NUMA1: variants seen among roughly 807,000 people sequenced by gnomAD.
NUMA1 encodes nuclear mitotic apparatus protein 1.
In NUMA1, 62 loss-of-function variants were observed where a neutral mutation model predicts 237.1. The ratio of observed to expected loss-of-function variants is 0.26; its 90% CI spans 0.21 to 0.32. The LOEUF (loss-of-function observed/expected upper bound fraction) is 0.32. Ranked by LOEUF, NUMA1 falls within the 10% of genes least tolerant of loss-of-function variation. The probability of loss-of-function intolerance (pLI) is 1.00; values close to 1 mark genes in which losing one functional copy is unlikely to be tolerated. For missense variants in NUMA1, 2,533 were observed against 2,666.5 expected (o/e 0.95, Z 1.10); for synonymous variants, 1,028 against 1,066.1 (o/e 0.96, Z 0.70).
At position 72,015,388 on chromosome 11, in the gene NUMA1, C is replaced by T. The variant is rs1282053379; in HGVS notation, c.2115G>A (p.Gln705=). 1 of 1,612,262 alleles carries T rather than the reference C, an allele frequency of 6.2e-7. No homozygotes were observed. Among genetic ancestry groups the T allele is most frequent in the Non-Finnish European group, 8.5e-7 (1 of 1,180,008 alleles). ...TGACCTTCAAGGACTCTTTGAGGGC[C>T]TGGAGCTGCTCCTGGAGCTGGTCCT... The part of the protein sequence containing the change: ...QEKDQLQEQL[Q]ALKESLKVTK... The change falls in exon 15 of 27, where the codon CAG becomes CAA. Residue 705 remains glutamine (Q), a synonymous_variant. Coordinates refer to ENST00000393695, the MANE Select transcript of NUMA1 (RefSeq NM_006185.4). The surrounding 1 kb of genome is among the most constrained non-coding windows in gnomAD (Gnocchi z 4.0).
At chr11:72,040,442 A>G (rs1451599035) in intron 2 of NUMA1, among the ~76,000 whole-genome samples, 1 of 12,046 alleles carries the variant, frequency 8.3e-5, no homozygotes, top group East Asian at 1.6e-3. Context: ...GGGCGCGTAC[A>G]CATACACACA....
intron 17 of NUMA1, among the ~76,000 whole-genome samples, chr11:72,009,862 C>G (rs1956027722): frequency 6.6e-6 from 1 of 152,152 alleles, no homozygotes; most frequent in Admixed American, 6.5e-5. Flanking sequence ...GCAAATTGAC[C>G]AGAGTAACAG....
rs1943599622 is a variant in NUMA1, at chr11:72,074,202, A to AACAAAGACAAAAAAAAAAT, written c.-102-4292_-102-4291insATTTTTTTTTTGTCTTTGT. Among the ~76,000 whole-genome samples the AACAAAGACAAAAAAAAAAT allele has an allele frequency of 2.6e-5, 4 of 152,016 alleles. No individual in the cohort carries two copies. In the South Asian group the frequency reaches 8.3e-4, roughly 32 times the overall value. ...GGAGCGAAACTCCATCTCAAAAAAA[A>AACAAAGACAAAAAAAAAAT]TTAACCAGACGGTAGTGGTGTGCGC... is the stretch of plus-strand genomic sequence containing the variant. On this transcript the variant is annotated intron_variant, in intron 1 of 26. Coordinates refer to ENST00000393695, the MANE Select transcript of NUMA1 (RefSeq NM_006185.4).
At chr11:72,079,749 T>A (rs1231166774) in intron 1 of NUMA1, among the ~76,000 whole-genome samples, 5 of 144,670 alleles carry the variant, frequency 3.5e-5, no homozygotes, top group Non-Finnish European at 6.0e-5. Flanking sequence ...AAACAAAAAT[T>A]AAAAAAAAAA....
intron 24 of NUMA1, 31 bp from the exon 25 acceptor site, chr11:72,004,372 T>C: frequency 2.5e-6 from 4 of 1,580,974 alleles, no homozygotes; most frequent in Non-Finnish European, 3.5e-6. Flanking sequence ...AGGCAGACAG[T>C]AGCAAGAGGA....
At chr11:72,046,883 C>A (rs573792408) in intron 2 of NUMA1, among the ~76,000 whole-genome samples, 2 of 151,928 alleles carry the variant, frequency 1.3e-5, no homozygotes, top group Non-Finnish European at 2.9e-5. Flanking sequence ...TCACTTGAAT[C>A]CGGGAGGCGG....
intron 2 of NUMA1, among the ~76,000 whole-genome samples, chr11:72,053,301 C>T (rs548682400): frequency 2.6e-5 from 4 of 152,160 alleles, no homozygotes; most frequent in African/African-American, 4.8e-5. Context: ...TTCCTAATTA[C>T]GCCTTTTTGT....
chr11:72,013,072 G>T lies in NUMA1; in HGVS notation c.4431C>A (p.Val1477=). 3 of 1,614,166 alleles carry T rather than the reference G, an allele frequency of 1.9e-6. No homozygotes were observed. Among genetic ancestry groups the T allele is most frequent in the Non-Finnish European group, 2.5e-6 (3 of 1,180,038 alleles). The change falls in exon 15 of 27, where the codon GTC becomes GTA. Residue 1477 remains valine (V), a synonymous_variant. Coordinates refer to ENST00000393695, the MANE Select transcript of NUMA1 (RefSeq NM_006185.4). The surrounding 1 kb of genome is among the most constrained non-coding windows in gnomAD (Gnocchi z 6.8). Reference sequence around the variant, plus strand: ...CAGCACGTACGGCTGCCAACTCTTGGACATACTTCTCCCGGGCCTGGTCCA... The same window carrying T: ...CAGCACGTACGGCTGCCAACTCTTGTACATACTTCTCCCGGGCCTGGTCCA... ...VELDQAREKY[V]QELAAVRADA... is the part of the protein sequence containing the mutation.
chr11:72,066,496 C>T (rs1018065033), intron 2 of NUMA1: 4 of 152,188 alleles, frequency 2.6e-5, no homozygotes, highest in Non-Finnish European at 5.9e-5. Context: ...CCTAAAATAT[C>T]CTCTACCTCA....
chr11:72,055,736 T>C (rs889152855), intron 2 of NUMA1, among the ~76,000 whole-genome samples: 3 of 151,506 alleles, frequency 2.0e-5, no homozygotes, highest in African/African-American at 7.3e-5. Context: ...TCCCAATGGC[T>C]CAGGAGGCTG....
intron 21 of NUMA1, 128 bp downstream of exon 21, chr11:72,007,052 AAGACCTCTC>A: frequency 6.7e-6 from 7 of 1,046,818 alleles, no homozygotes; most frequent in Non-Finnish European, 9.6e-6. Context: ...TGCCCTTTTT[AAGACCTCTC>A]AGCTTTCCCA....
intron 8 of NUMA1, 91 bp downstream of exon 8, chr11:72,021,113 G>A (rs756998125): frequency 1.9e-6 from 2 of 1,066,266 alleles, no homozygotes; most frequent in Admixed American, 3.7e-5. Context: ...GTTGGGGACA[G>A]AAACAAACCC....
Position 72,014,646 on chromosome 11 carries a change from C to T in NUMA1, c.2857G>A (p.Glu953Lys). 1 of 1,611,974 alleles carries T rather than the reference C, an allele frequency of 6.2e-7. No homozygotes were observed. The highest frequency in any genetic ancestry group is 8.5e-7 in the Non-Finnish European group (1 of 1,180,026). ...RAGDRQPEWLEEQQGRQFCST... is the reference protein window; with the variant it reads ...RAGDRQPEWLKEQQGRQFCST... The stretch of plus-strand genomic sequence containing the variant: ...CAGAACTGGCGTCCCTGTTGCTCTT[C>T]CAGCCACTCGGGCTGTCTGTCTCCT... The change falls in exon 15 of 27, where the codon GAA (glutamate) becomes AAA (lysine). Residue 953 changes from glutamate (E) to lysine (K), a missense_variant. Around this residue, in one of 3 missense-constraint regions of NUMA1, gnomAD observed 1,414 missense variants for 1,508.1 expected, o/e 0.94. Transcript: ENST00000393695. This position sits in a 1 kb window ranked among gnomAD's most constrained non-coding sequence, Gnocchi z 4.6.
At chr11:72,007,820 T>C (rs1955850066) in intron 20 of NUMA1, 1 of 356,830 alleles carries the variant, frequency 2.8e-6, no homozygotes. Context: ...CATAATCCAA[T>C]GTCGTCCTGC....
At chr11:72,046,733 G>A (rs978024072) in intron 2 of NUMA1, among the ~76,000 whole-genome samples, 2 of 152,120 alleles carry the variant, frequency 1.3e-5, no homozygotes, top group Admixed American at 1.3e-4. Context: ...GTCGAGGTGG[G>A]CAGATTGTTT....
At chr11:72,021,777 T>A (rs1249836636) in intron 7 of NUMA1, among the ~76,000 whole-genome samples, 1 of 152,146 alleles carries the variant, frequency 6.6e-6, no homozygotes, top group Non-Finnish European at 1.5e-5. Flanking sequence ...CTCATTTTTT[T>A]TAAAAAAAAT....
intron 3 of NUMA1, among the ~76,000 whole-genome samples, chr11:72,031,252 A>G (rs1050762372): frequency 6.6e-6 from 1 of 152,028 alleles, no homozygotes; most frequent in East Asian, 1.9e-4. Flanking sequence ...ACAATGAGCT[A>G]TGATAGTGTC....
chr11:72,045,106 C>T (rs1254751286), intron 2 of NUMA1, among the ~76,000 whole-genome samples: 1 of 152,122 alleles, frequency 6.6e-6, no homozygotes, highest in Non-Finnish European at 1.5e-5. Context: ...TAACCAGTTC[C>T]ACCTCTCTCT....
chr11:72,004,870 G>C, intron 23 of NUMA1, 54 bp from the exon 24 acceptor site: 3 of 1,490,328 alleles, frequency 2.0e-6, no homozygotes, highest in Admixed American at 4.5e-5. Flanking sequence ...AGATGGAGGA[G>C]GACCTGGGGC....
Sources: gnomAD v4.1 joint callset for allele counts (sites outside exome capture counted in the v4.1 genomes callset) on GRCh38, gnomAD v4.1.1 for gene constraint, gnomAD v4.1.1 regional missense constraint, Gnocchi (gnomAD v3.1) non-coding constraint, MANE v1.5 for transcripts, NCBI Gene and HGNC (gene_info 2026-07-23, HGNC 2026-07-21) for gene names.